Variants in DRD3 observed in about 807,000 individuals in gnomAD.
DRD3 encodes the protein dopamine receptor D3.
Under a neutral mutation model 36.3 loss-of-function variants are expected in DRD3, and 19 were observed. That is an observed-to-expected ratio of 0.52 (90% CI 0.36 to 0.77). DRD3 has a LOEUF of 0.77. Ranked by LOEUF, DRD3 falls within the 30% of genes least tolerant of loss-of-function variation. DRD3 has a pLI of 0.00. For synonymous variants in DRD3, 195 were observed against 203.7 expected, an observed-to-expected ratio of 0.96 and a Z score of 0.36; for missense variants, 465 against 505.3, an observed-to-expected ratio of 0.92 and a Z score of 0.77.
chr3:114,169,022 T>C (rs1214048214), intron 2 of DRD3, among the ~76,000 whole-genome samples: 1 of 149,888 alleles, frequency 6.7e-6, no homozygotes, highest in African/African-American at 2.5e-5. Context: ...GTGGTCAACA[T>C]TGCACCCTTT....
rs1023356588 is a variant in DRD3, at chr3:114,166,038, T to C, written c.270+5685A>G. 1.2e-4 allele frequency among the ~76,000 whole-genome samples: 18 copies of C among 146,960 alleles called. No homozygotes were observed. In the Middle Eastern group the frequency reaches 0.014, roughly 116 times the overall value. ...AGAGTCTCTGTTGCCCTAGCTGGAG[T>C]GCAGTGGCACAATCTCGGCTCACTG... On this transcript the variant is annotated intron_variant, in intron 2 of 6. Transcript: ENST00000383673.
At chr3:114,137,713 C>T (rs558966662) in intron 5 of DRD3, among the ~76,000 whole-genome samples, 20 of 151,838 alleles carry the variant, frequency 1.3e-4, no homozygotes, top group African/African-American at 1.7e-4. Context: ...CAGATGTGGC[C>T]GGGCGCGGTG....
At chr3:114,172,338 C>T (rs1800827) in intron 1 of DRD3, among the ~76,000 whole-genome samples, 11,201 of 152,128 alleles carry the variant, frequency 0.074, 876 homozygotes, top group African/African-American at 0.2. Flanking sequence ...GAAGATTGTG[C>T]GTATGTGAGT....
chr3:114,147,029 G>A (rs1311827031), intron 4 of DRD3, among the ~76,000 whole-genome samples: 1 of 152,150 alleles, frequency 6.6e-6, no homozygotes, highest in Non-Finnish European at 1.5e-5. Context: ...CTTTTACAAT[G>A]TGTTATTTTG....
intron 2 of DRD3, among the ~76,000 whole-genome samples, chr3:114,167,158 A>G (rs112205662): frequency 0.019 from 2,965 of 152,158 alleles, 94 homozygotes; most frequent in African/African-American, 0.062. Flanking sequence ...AACTCATCCT[A>G]TTCTATCTTG....
chr3:114,169,877 T>A (rs1173282050), intron 2 of DRD3, among the ~76,000 whole-genome samples: 1 of 152,132 alleles, frequency 6.6e-6, no homozygotes, highest in Admixed American at 6.5e-5. Flanking sequence ...CACAAATACA[T>A]AGCCAACAAA....
chr3:114,184,320 T>C (rs960394571), intron 1 of DRD3, among the ~76,000 whole-genome samples: 7 of 152,184 alleles, frequency 4.6e-5, no homozygotes, highest in Non-Finnish European at 7.4e-5. Context: ...ACACCAAACA[T>C]AAACTAATAA....
chr3:114,156,904 CTTCCTTCT>C (rs1559991355), intron 3 of DRD3, among the ~76,000 whole-genome samples: 5 of 127,750 alleles, frequency 3.9e-5, no homozygotes, highest in South Asian at 2.5e-4. Context: ...TCTTTTCTTC[CTTCCTTCT>C]TTCCTTCCTT....
chr3:114,131,371 C>A lies in DRD3; in HGVS notation c.753G>T (p.Glu251Asp). The A allele has an allele frequency of 6.2e-7, 1 of 1,614,130 alleles. No homozygotes were observed. The highest frequency in any genetic ancestry group is 8.5e-7 in the Non-Finnish European group (1 of 1,179,984). The stretch of plus-strand genomic sequence containing the variant: ...GGCAGATGCTGTAGTAACGCTTCAG[C>A]TCCAGATGTGCCGGGTCAGGAGAGA... ...QTLSPDPAHL[E>D]LKRYYSICQD... Residue 251 changes from glutamate (E) to aspartate (D), a missense_variant, in exon 6 of 7, where the codon GAG (glutamate) becomes GAT (aspartate). Glu to Asp is a conservative substitution (Grantham distance 45). Transcript: ENST00000383673.
chr3:114,177,649 G>T (rs895606530), intron 1 of DRD3, among the ~76,000 whole-genome samples: 1 of 152,130 alleles, frequency 6.6e-6, no homozygotes, highest in Non-Finnish European at 1.5e-5. Context: ...CTTCTGTATG[G>T]ATGCTTTAAT....
chr3:114,147,316 C>T, intron 4 of DRD3, 99 bp downstream of exon 4: 1 of 1,473,796 alleles, frequency 6.8e-7, no homozygotes, highest in Non-Finnish European at 9.3e-7. Context: ...AGTACACTGA[C>T]CGGGGGTCAG....
At chr3:114,195,783 TCTTA>T (rs1427012044) in intron 1 of DRD3, among the ~76,000 whole-genome samples, 2 of 152,192 alleles carry the variant, frequency 1.3e-5, no homozygotes, top group African/African-American at 4.8e-5. Context: ...TTATAAAATA[TCTTA>T]CTTACATATA....
upstream of DRD3, among the ~76,000 whole-genome samples, chr3:114,180,626 C>A (rs1282977561): frequency 2.0e-5 from 3 of 152,080 alleles, no homozygotes; most frequent in Non-Finnish European, 2.9e-5. Flanking sequence ...ATTCACCTAG[C>A]CTGTGGAATT....
chr3:114,136,215 A>G (rs942975150), intron 5 of DRD3, among the ~76,000 whole-genome samples: 2 of 151,996 alleles, frequency 1.3e-5, no homozygotes, highest in African/African-American at 2.4e-5. Flanking sequence ...CTCTGTCTCA[A>G]AAACAAAAAC....
chr3:114,156,808 T>TTC (rs2077681667), intron 3 of DRD3, among the ~76,000 whole-genome samples: 1 of 132,796 alleles, frequency 7.5e-6, no homozygotes, highest in East Asian at 2.2e-4. Context: ...TCTCTTTTCT[T>TTC]TTTCTTTCTT....
At chr3:114,129,611 G>A (rs750987043) in intron 6 of DRD3, among the ~76,000 whole-genome samples, 12 of 152,150 alleles carry the variant, frequency 7.9e-5, no homozygotes, top group Non-Finnish European at 1.3e-4. Flanking sequence ...GACTGACATC[G>A]TTCCTGCTGT....
At chr3:114,177,056 C>T (rs1414962209) in intron 1 of DRD3, among the ~76,000 whole-genome samples, 1 of 152,112 alleles carries the variant, frequency 6.6e-6, no homozygotes, top group African/African-American at 2.4e-5. Context: ...TGCCACTTAA[C>T]TATGCCACTT....
intron 4 of DRD3, among the ~76,000 whole-genome samples, chr3:114,143,567 A>G (rs964244086): frequency 1.3e-5 from 2 of 152,026 alleles, no homozygotes; most frequent in Non-Finnish European, 2.9e-5. Context: ...GATGGATTTG[A>G]CCCCAGCTTG....
Position 114,140,017 on chromosome 3 carries a change from G to A in DRD3, c.527-321C>T, listed in dbSNP as rs141446862. ...GATAGACAGATGATCCCTTTCATAGGATGTCACAAGTGTCACACAGAGACA... is the reference window on the plus strand; with the variant it reads ...GATAGACAGATGATCCCTTTCATAGAATGTCACAAGTGTCACACAGAGACA... On this transcript the variant is annotated intron_variant, in intron 4 of 6. Coordinates refer to ENST00000383673, the MANE Select transcript of DRD3 (RefSeq NM_000796.6). Among the ~76,000 whole-genome samples, 205 of 152,308 alleles carry A rather than the reference G, an allele frequency of 1.3e-3. 1 individual carries two copies. The highest frequency in any genetic ancestry group is 2.5e-3 in the Non-Finnish European group (169 of 68,024).
Sources: allele counts gnomAD v4.1 joint callset (sites outside exome capture counted in the v4.1 genomes callset), GRCh38; gene constraint gnomAD v4.1.1; transcripts MANE v1.5; gene names NCBI Gene and HGNC (gene_info 2026-07-23, HGNC 2026-07-21).